ITPR1: variants seen among roughly 807,000 people sequenced by gnomAD.
ITPR1 encodes inositol 1,4,5-trisphosphate-gated calcium channel ITPR1.
ITPR1 carries 96 observed loss-of-function variants against 318.4 expected under a neutral mutation model. That is an observed-to-expected ratio of 0.30 (90% CI 0.26 to 0.36). The LOEUF is 0.36. Ranked by LOEUF, ITPR1 falls within the 10% of genes least tolerant of loss-of-function variation. ITPR1 has a pLI of 1.00. For synonymous variants in ITPR1, 1,312 were observed against 1,289.9 expected (o/e 1.02, Z -0.37); for missense variants, 2,440 against 3,460.2 (o/e 0.71, Z 7.40).
At chr3:4,708,764 C>T (rs2094810614) in intron 37 of ITPR1, among the ~76,000 whole-genome samples, 2 of 152,200 alleles carry the variant, frequency 1.3e-5, no homozygotes, top group Admixed American at 1.3e-4. Context: ...CAGTTATTTA[C>T]TGTCTGAGTT....
chr3:4,839,049 C>T (rs1033333446), intron 61 of ITPR1, among the ~76,000 whole-genome samples: 5 of 152,170 alleles, frequency 3.3e-5, no homozygotes, highest in East Asian at 1.9e-4. Flanking sequence ...GGTATAGTGC[C>T]GGGCGTGGTG....
chr3:4,791,910 C>T (rs554050614), intron 52 of ITPR1, among the ~76,000 whole-genome samples: 73 of 152,258 alleles, frequency 4.8e-4, no homozygotes, highest in African/African-American at 1.7e-3. Context: ...AACAAATTAC[C>T]ACAAAGCTTG....
At chr3:4,706,688 T>C (rs893668677) in intron 37 of ITPR1, among the ~76,000 whole-genome samples, 1 of 152,196 alleles carries the variant, frequency 6.6e-6, no homozygotes, top group Non-Finnish European at 1.5e-5. Flanking sequence ...CCCATCACTC[T>C]GGGGTTATTT....
chr3:4,659,520 C>CAA (rs1025361300), intron 13 of ITPR1, among the ~76,000 whole-genome samples: 1 of 151,402 alleles, frequency 6.6e-6, no homozygotes, highest in African/African-American at 2.4e-5. Flanking sequence ...CCCGACTCTA[C>CAA]AAAAAAAATG....
At chr3:4,511,117 C>T (rs1356967609) in intron 2 of ITPR1, among the ~76,000 whole-genome samples, 1 of 152,128 alleles carries the variant, frequency 6.6e-6, no homozygotes, top group Non-Finnish European at 1.5e-5. Context: ...TTTGGGAATC[C>T]TCTTCACGTA....
At chr3:4,534,645 C>T (rs575707288) in intron 4 of ITPR1, among the ~76,000 whole-genome samples, 5 of 152,274 alleles carry the variant, frequency 3.3e-5, no homozygotes, top group South Asian at 2.1e-4. Context: ...TTCCTTTCTT[C>T]GTCTGGTATT....
chr3:4,549,428 T>C lies in ITPR1; in HGVS notation c.163+28334T>C, dbSNP rs536697271. Among the ~76,000 whole-genome samples the C allele has an allele frequency of 7.2e-5, 11 of 152,364 alleles. No individual in the cohort carries two copies. The South Asian group carries it at 2.3e-3, about 32-fold the overall frequency. On this transcript the variant is annotated intron_variant, in intron 4 of 61. Coordinates refer to ENST00000649015, the MANE Select transcript of ITPR1 (RefSeq NM_001378452.1). ...TGACAGCCTCATTGTAAATGAAGCATTAAAGTGCTTTGTTCATTTCTCACA... is the reference window on the plus strand; with the variant it reads ...TGACAGCCTCATTGTAAATGAAGCACTAAAGTGCTTTGTTCATTTCTCACA...
chr3:4,619,754 TC>T (rs2092547180), intron 4 of ITPR1, among the ~76,000 whole-genome samples: 1 of 53,698 alleles, frequency 1.9e-5, no homozygotes, highest in Admixed American at 1.9e-4. Context: ...TCCTCTGCCC[TC>T]CCCTCCTCTC....
At chr3:4,534,340 T>A (rs76336723) in intron 4 of ITPR1, among the ~76,000 whole-genome samples, 12,851 of 152,230 alleles carry the variant, frequency 0.084, 679 homozygotes, top group Middle Eastern at 0.15. Flanking sequence ...GCTCCCCCGG[T>A]GGCGGCTACT....
chr3:4,630,785 A>G (rs1428291041), intron 5 of ITPR1, among the ~76,000 whole-genome samples: 2 of 151,828 alleles, frequency 1.3e-5, no homozygotes, highest in African/African-American at 2.4e-5. Context: ...GCAGCATTTC[A>G]CCATGTTGGC....
intron 5 of ITPR1, among the ~76,000 whole-genome samples, chr3:4,638,744 T>C (rs1473849527): frequency 6.6e-6 from 1 of 152,252 alleles, no homozygotes; most frequent in East Asian, 1.9e-4. Context: ...TGAGTCAATT[T>C]CTTCTTTAAA....
chr3:4,780,024 A>G (rs961570016), intron 49 of ITPR1, among the ~76,000 whole-genome samples: 5 of 151,970 alleles, frequency 3.3e-5, no homozygotes, highest in African/African-American at 1.2e-4. Flanking sequence ...CAGTGTGGTT[A>G]CGGAACCTAG....
At chr3:4,652,385 T>C (rs1478773407) in intron 11 of ITPR1, among the ~76,000 whole-genome samples, 167 bp downstream of exon 11, 1 of 152,212 alleles carries the variant, frequency 6.6e-6, no homozygotes, top group African/African-American at 2.4e-5. Flanking sequence ...CCTAGAAGAC[T>C]CAAAAATGAT....
chr3:4,651,535 C>T (rs185675041), intron 10 of ITPR1, among the ~76,000 whole-genome samples: 63 of 152,336 alleles, frequency 4.1e-4, no homozygotes, highest in African/African-American at 1.4e-3. Context: ...AGTTGTCCAA[C>T]ATGTGAACAC....
intron 16 of ITPR1, among the ~76,000 whole-genome samples, chr3:4,664,637 A>T (rs2093908154): frequency 6.6e-6 from 1 of 152,256 alleles, no homozygotes; most frequent in African/African-American, 2.4e-5. Context: ...TCATTTGTAC[A>T]ATAGTAATTC....
chr3:4,695,748 G>A (rs147692586), intron 33 of ITPR1, among the ~76,000 whole-genome samples: 48 of 152,268 alleles, frequency 3.2e-4, no homozygotes, highest in African/African-American at 1.2e-3. Flanking sequence ...ATGTAGCTGC[G>A]TTCATTTCCT....
At chr3:4,610,159 T>C (rs2091984704) in intron 4 of ITPR1, among the ~76,000 whole-genome samples, 2 of 152,170 alleles carry the variant, frequency 1.3e-5, no homozygotes, top group South Asian at 2.1e-4. Flanking sequence ...GTCCCACCCA[T>C]TGGCTTGTCC....
rs1491328502 is a variant in ITPR1 at position 4,496,314 on chromosome 3, CAT to C, written c.-17+1809_-17+1810del. Among the ~76,000 whole-genome samples, 190 of 89,712 alleles carry C rather than the reference CAT, an allele frequency of 2.1e-3. No homozygotes were observed. The East Asian group carries it at 0.027, about 13-fold the overall frequency. 58.9% of individuals were successfully genotyped at this position (89,712 alleles called of 152,430 possible). On this transcript the variant is annotated intron_variant, in intron 2 of 61. Transcript: ENST00000649015. ...TGTTCTCCATTTTTTCTTTCAAGTT[CAT>C]GTGTGTGTGTGTGTGTGTGTATGCA... is the stretch of plus-strand genomic sequence containing the variant.
intron 4 of ITPR1, among the ~76,000 whole-genome samples, chr3:4,547,537 C>T (rs1171652481): frequency 6.6e-6 from 1 of 152,168 alleles, no homozygotes; most frequent in African/African-American, 2.4e-5. Context: ...GGTAGGGTGG[C>T]ACGGTGACAA....
Sources: allele counts gnomAD v4.1 joint callset (sites outside exome capture counted in the v4.1 genomes callset), GRCh38; gene constraint gnomAD v4.1.1; transcripts MANE v1.5; gene names NCBI Gene and HGNC (gene_info 2026-07-23, HGNC 2026-07-21).